Variants in ARRB2 observed in about 807,000 individuals in gnomAD.
ARRB2 encodes beta-arrestin-2.
In ARRB2, 21 loss-of-function variants were observed where a neutral mutation model predicts 53.4. The observed-to-expected ratio is 0.39, with a 90% confidence interval of 0.28 to 0.57. ARRB2 has a LOEUF of 0.57. Ranked by LOEUF, ARRB2 falls within the 20% of genes least tolerant of loss-of-function variation. The probability of loss-of-function intolerance (pLI) is 0.55; values close to 1 mark genes in which losing one functional copy is unlikely to be tolerated. For missense variants in ARRB2, 369 were observed against 527.5 expected, an observed-to-expected ratio of 0.70 and a Z score of 2.94; for synonymous variants, 180 against 212.9, an observed-to-expected ratio of 0.85 and a Z score of 1.34.
chr17:4,716,657 G>A (rs1473130834), intron 5 of ARRB2, 49 bp downstream of exon 5: 18 of 1,539,576 alleles, frequency 1.2e-5, no homozygotes, highest in Admixed American at 6.0e-5. Flanking sequence ...GGCTGGGACT[G>A]TGTCTGGGGT....
intron 2 of ARRB2, chr17:4,715,744 T>TGGTGGGCAGA (rs1914963920): frequency 7.9e-6 from 4 of 507,768 alleles, no homozygotes; most frequent in Non-Finnish European, 1.4e-5. Flanking sequence ...CACACCGGGC[T>TGGTGGGCAGA]GGTGGGCAGA....
intron 1 of ARRB2, among the ~76,000 whole-genome samples, chr17:4,713,265 C>T (rs963310486): frequency 2.6e-5 from 4 of 152,038 alleles, no homozygotes; most frequent in East Asian, 1.9e-4. Context: ...GAGGCTGAGG[C>T]GGGCGGATCA....
chr17:4,721,019 T>G lies in ARRB2; in HGVS notation c.1210T>G (p.Tyr404Asp). 1 of 1,613,918 alleles carries G rather than the reference T, an allele frequency of 6.2e-7. No individual in the cohort carries two copies. The highest frequency in any genetic ancestry group is 8.5e-7 in the Non-Finnish European group (1 of 1,179,944). Residue 404 changes from tyrosine (Y) to aspartate (D), a missense_variant, in exon 15 of 15, where the codon TAT (tyrosine) becomes GAT (aspartate). Physicochemically the swap from Tyr to Asp is radical, Grantham distance 160. Transcript: ENST00000269260. This position sits in a 1 kb window ranked among gnomAD's most constrained non-coding sequence, Gnocchi z 4.2. ...LRLKGMKDDD[Y>D]DDQLC is the part of the protein sequence containing the mutation. ...GCTGAAGGGGATGAAGGATGACGAC[T>G]ATGATGATCAACTCTGCTAGGAAGC... is the stretch of plus-strand genomic sequence containing the variant.
chr17:4,713,585 C>T (rs998326777), intron 1 of ARRB2, among the ~76,000 whole-genome samples: 4 of 151,634 alleles, frequency 2.6e-5, no homozygotes, highest in Admixed American at 2.6e-4. Context: ...GAGCCGAGAT[C>T]GCACCACTGC....
Position 4,719,455 on chromosome 17 carries a change from CA to C in ARRB2, c.917+36del, listed in dbSNP as rs369882760. ...GGGCTGGGGCGGGTCCCCTGCAGGC[CA>C]GGGGCCAGACGTCGGTTCAGTGCTC... On this transcript the variant is annotated intron_variant, in intron 11 of 14. Coordinates refer to ENST00000269260, the MANE Select transcript of ARRB2 (RefSeq NM_004313.4). The C allele has an allele frequency of 3.7e-4, 599 of 1,608,980 alleles. 5 individuals carry two copies. In the African/African-American group the frequency reaches 6.4e-3, roughly 17 times the overall value.
At chr17:4,713,542 A>G (rs578132894) in intron 1 of ARRB2, among the ~76,000 whole-genome samples, 336 of 152,130 alleles carry the variant, frequency 2.2e-3, no homozygotes, top group African/African-American at 7.1e-3. Flanking sequence ...GAGGCAGGAG[A>G]ATGGCGTGAA....
At chr17:4,715,474 C>CA (rs1323153808) in intron 2 of ARRB2, 2 of 243,458 alleles carry the variant, frequency 8.2e-6, no homozygotes, top group African/African-American at 5.6e-5. Flanking sequence ...GATCCAAACA[C>CA]ACACACACAC....
chr17:4,714,856 A>T (rs1914776678), intron 1 of ARRB2, 157 bp from the exon 2 acceptor site: 2 of 569,308 alleles, frequency 3.5e-6, no homozygotes, highest in Non-Finnish European at 5.8e-6. Context: ...ACCTTCCGGG[A>T]AGAAGGGGAA....
At chr17:4,716,821 G>A (rs1467550915) in intron 5 of ARRB2, 2 of 852,722 alleles carry the variant, frequency 2.3e-6, no homozygotes, top group Non-Finnish European at 3.5e-6. Context: ...ATCCCCAGGA[G>A]TCCTTTCTCC....
Position 4,719,350 on chromosome 17 carries a change from C to A in ARRB2, c.847C>A (p.Arg283=). ...YTITPLLSDN[R]EKRGLALDGK... ...CATAACCCCACTGCTCAGCGACAACCGGGAGAAGCGGGGTCTCGCCCTGGA... is the reference window on the plus strand; with the variant it reads ...CATAACCCCACTGCTCAGCGACAACAGGGAGAAGCGGGGTCTCGCCCTGGA... The change falls in exon 11 of 15, where the codon CGG becomes AGG. Residue 283 remains arginine (R), a synonymous_variant. Coordinates refer to ENST00000269260, the MANE Select transcript of ARRB2 (RefSeq NM_004313.4). 1 of 1,614,132 alleles carries A rather than the reference C, an allele frequency of 6.2e-7. No homozygotes were observed. Among genetic ancestry groups the A allele is most frequent in the Non-Finnish European group, 8.5e-7 (1 of 1,180,010 alleles).
chr17:4,717,529 T>C lies in ARRB2; in HGVS notation c.418-156T>C. 2.8e-6 allele frequency: 3 copies of C among 1,067,054 alleles called. No homozygotes were observed. The highest frequency in any genetic ancestry group is 4.1e-6 in the Non-Finnish European group (3 of 723,890). 66.1% of individuals were successfully genotyped at this position (1,067,054 alleles called of 1,614,324 possible). ...TACCATGACCAAGCCTCTGCCAGGTTCTGGGCTTTGGAGAGGAAGAAGACT... is the reference window on the plus strand; with the variant it reads ...TACCATGACCAAGCCTCTGCCAGGTCCTGGGCTTTGGAGAGGAAGAAGACT... On this transcript the variant is annotated intron_variant, in intron 6 of 14. Transcript: ENST00000269260. This position sits in a 1 kb window ranked among gnomAD's most constrained non-coding sequence, Gnocchi z 6.0.
At position 4,717,165 on chromosome 17, in the gene ARRB2, A is replaced by G; in HGVS notation, c.358-52A>G. ...GCCTCTTAGGTTGAGATTTGGAGGA[A>G]GATCTGGGGGCTTTCTGGAAGAACT... is the stretch of plus-strand genomic sequence containing the variant. On this transcript the variant is annotated intron_variant, in intron 5 of 14. Coordinates refer to ENST00000269260, the MANE Select transcript of ARRB2 (RefSeq NM_004313.4). The surrounding 1 kb of genome is among the most constrained non-coding windows in gnomAD (Gnocchi z 6.0). 6.3e-7 allele frequency: 1 copy of G among 1,584,418 alleles called. No homozygotes were observed. Among genetic ancestry groups the G allele is most frequent in the Non-Finnish European group, 8.7e-7 (1 of 1,153,162 alleles).
At chr17:4,715,490 C>CACAG (rs1453089599) in intron 2 of ARRB2, 2 of 162,138 alleles carry the variant, frequency 1.2e-5, no homozygotes, top group Non-Finnish European at 2.4e-5. Flanking sequence ...CACACAGACA[C>CACAG]ACACACACAT....
intron 11 of ARRB2, 118 bp downstream of exon 11, chr17:4,719,538 A>G: frequency 1.4e-6 from 2 of 1,414,868 alleles, no homozygotes; most frequent in African/African-American, 1.4e-5. Flanking sequence ...GAACTCTTAC[A>G]TTCTAGGGGA....
intron 1 of ARRB2, among the ~76,000 whole-genome samples, chr17:4,712,726 A>G (rs1567678880): frequency 6.6e-6 from 1 of 152,282 alleles, no homozygotes; most frequent in Non-Finnish European, 1.5e-5. Context: ...GGTGGAGTCC[A>G]GGCTTAAATT....
intron 14 of ARRB2, 140 bp from the exon 15 acceptor site, chr17:4,720,806 C>G (rs1284300354): frequency 1.9e-6 from 2 of 1,063,242 alleles, no homozygotes; most frequent in Middle Eastern, 2.1e-4. Flanking sequence ...TTTTCTTTGT[C>G]CCTTCCTGTA....
chr17:4,713,134 A>C (rs1914599552), intron 1 of ARRB2, among the ~76,000 whole-genome samples: 2 of 151,994 alleles, frequency 1.3e-5, no homozygotes, highest in African/African-American at 4.8e-5. Context: ...AGGCGGGTGG[A>C]TCACCTGAGG....
At chr17:4,715,066 C>G (rs1381298237) in intron 2 of ARRB2, 23 bp downstream of exon 2, 1 of 1,602,746 alleles carries the variant, frequency 6.2e-7, no homozygotes, top group Non-Finnish European at 8.5e-7. Flanking sequence ...AGCACTTACC[C>G]TTTTGACCCT....
At chr17:4,712,778 C>T (rs1914546227) in intron 1 of ARRB2, among the ~76,000 whole-genome samples, 1 of 152,208 alleles carries the variant, frequency 6.6e-6, no homozygotes, top group Non-Finnish European at 1.5e-5. Context: ...ATTCAACAAA[C>T]TATTTATGCC....
Sources: allele counts gnomAD v4.1 joint callset (sites outside exome capture counted in the v4.1 genomes callset), GRCh38; gene constraint gnomAD v4.1.1; non-coding constraint Gnocchi (gnomAD v3.1); transcripts MANE v1.5; gene names NCBI Gene and HGNC (gene_info 2026-07-23, HGNC 2026-07-21).